Variants in CELF4 observed in about 807,000 individuals in gnomAD.
CELF4 encodes CUGBP Elav-like family member 4, also known as CUG-BP- and ETR-3-like factor 4.
In CELF4, 18 loss-of-function variants were observed where a neutral mutation model predicts 59.9. The observed-to-expected ratio is 0.30, with a 90% CI of 0.21 to 0.45. The LOEUF (loss-of-function observed/expected upper bound fraction) is 0.45. Ranked by LOEUF, CELF4 falls within the 20% of genes least tolerant of loss-of-function variation. CELF4 has a pLI of 1.00. For synonymous variants in CELF4, 261 were observed against 267.1 expected, an observed-to-expected ratio of 0.98 and a Z score of 0.22; for missense variants, 456 against 689.0, an observed-to-expected ratio of 0.66 and a Z score of 3.79.
At chr18:37,485,491 G>A (rs1416693005) in intron 2 of CELF4, 34 bp downstream of exon 2, 7 of 1,287,376 alleles carry the variant, frequency 5.4e-6, no homozygotes, top group South Asian at 2.5e-5. Context: ...CTGTCGGCGC[G>A]TCGGCCGCTT....
chr18:37,490,269 C>CG (rs2099896915), intron 1 of CELF4, among the ~76,000 whole-genome samples: 1 of 151,692 alleles, frequency 6.6e-6, no homozygotes, highest in Non-Finnish European at 1.5e-5. Flanking sequence ...ACAGGGAGTA[C>CG]GGGGTGGGGA....
intron 8 of CELF4, among the ~76,000 whole-genome samples, chr18:37,267,707 G>A (rs985278969): frequency 1.3e-5 from 2 of 152,156 alleles, no homozygotes; most frequent in South Asian, 2.1e-4. Flanking sequence ...TCCTGAGCAC[G>A]TTTCCCTGAG....
At position 37,485,564 on chromosome 18, in the gene CELF4, CT is replaced by C; in HGVS notation, c.329del (p.Lys110ArgfsTer15). ...LTYCERESAL[K>X]AQSALHEQKT... ...TCTGCTCGTGCAGCGCGCTCTGGGC[CT>C]TCAGCGCTGACTCACGCTCGCAGTA... On this transcript the variant is annotated frameshift_variant, in exon 2 of 13. Coordinates refer to ENST00000420428, the MANE Select transcript of CELF4 (RefSeq NM_020180.4). LOFTEE classifies it high-confidence loss of function. The C allele has an allele frequency of 1.4e-6, 2 of 1,457,682 alleles. No homozygotes were observed. The highest frequency in any genetic ancestry group is 1.4e-5 in the South Asian group (1 of 69,582). The allele number at this position is 1,457,682 out of a possible 1,614,324, so 90.3% of individuals were successfully genotyped here. A position where few individuals can be genotyped will look rare whatever the true frequency, so the allele number is the denominator to read the frequency against.
chr18:37,465,173 C>T (rs1569569510), intron 2 of CELF4, among the ~76,000 whole-genome samples: 1 of 152,146 alleles, frequency 6.6e-6, no homozygotes, highest in Admixed American at 6.5e-5. Flanking sequence ...ATCTTTATTG[C>T]TTATTATATA....
chr18:37,371,787 C>A (rs911366379), intron 2 of CELF4, among the ~76,000 whole-genome samples: 1 of 152,132 alleles, frequency 6.6e-6, no homozygotes, highest in African/African-American at 2.4e-5. Context: ...AGTGCCCAGG[C>A]CCTGGGGATG....
At chr18:37,392,636 C>T (rs2099175600) in intron 2 of CELF4, among the ~76,000 whole-genome samples, 1 of 152,192 alleles carries the variant, frequency 6.6e-6, no homozygotes. Context: ...GCAGCACTCC[C>T]TAGCAGACCA....
intron 8 of CELF4, among the ~76,000 whole-genome samples, chr18:37,267,179 G>A (rs539328835): frequency 1.3e-5 from 2 of 152,336 alleles, no homozygotes; most frequent in South Asian, 2.1e-4. Flanking sequence ...GACCAGCTAC[G>A]CAAATAGGGT....
intron 1 of CELF4, 32 bp downstream of exon 1, chr18:37,565,324 C>CA: frequency 6.8e-7 from 1 of 1,468,008 alleles, no homozygotes; most frequent in Non-Finnish European, 9.0e-7. Context: ...CTCCTGCTCC[C>CA]CGGCAAAGTT....
At chr18:37,448,419 C>T (rs1449525910) in intron 2 of CELF4, among the ~76,000 whole-genome samples, 1 of 152,258 alleles carries the variant, frequency 6.6e-6, no homozygotes, top group African/African-American at 2.4e-5. Context: ...TGCAGCCCCA[C>T]TGACAGCTGA....
chr18:37,422,999 T>G (rs1307341864), intron 2 of CELF4, among the ~76,000 whole-genome samples: 2 of 134,862 alleles, frequency 1.5e-5, no homozygotes, highest in Non-Finnish European at 3.3e-5. Context: ...CTGGGTAGGA[T>G]ATGGGAGCAG....
chr18:37,280,548 C>T (rs933965944), intron 3 of CELF4, among the ~76,000 whole-genome samples: 2 of 152,136 alleles, frequency 1.3e-5, no homozygotes, highest in Non-Finnish European at 2.9e-5. Flanking sequence ...GGGATGAAGG[C>T]CAGAAGAGGC....
chr18:37,288,659 C>T (rs956832700), intron 3 of CELF4, among the ~76,000 whole-genome samples: 17 of 152,170 alleles, frequency 1.1e-4, no homozygotes, highest in Admixed American at 1.1e-3. Flanking sequence ...GGTCATGAGG[C>T]CCTGCTGAGC....
chr18:37,425,353 G>A (rs989940267), intron 2 of CELF4, among the ~76,000 whole-genome samples: 2 of 152,202 alleles, frequency 1.3e-5, no homozygotes, highest in South Asian at 2.1e-4. Context: ...AGGCCCCTCC[G>A]GGGCTCTAAC....
chr18:37,283,117 G>A (rs1197441634), intron 3 of CELF4, among the ~76,000 whole-genome samples: 1 of 152,018 alleles, frequency 6.6e-6, no homozygotes, highest in African/African-American at 2.4e-5. Context: ...GCTGTTTGAT[G>A]TTGGGGTGGA....
At chr18:37,274,717 G>C (rs928099632) in intron 5 of CELF4, 88 bp downstream of exon 5, 1 of 1,517,610 alleles carries the variant, frequency 6.6e-7, no homozygotes, top group African/African-American at 1.4e-5. Flanking sequence ...TGTCTCTTGG[G>C]GAGACTGGAC....
At chr18:37,407,036 G>A (rs2099393981) in intron 2 of CELF4, among the ~76,000 whole-genome samples, 1 of 152,114 alleles carries the variant, frequency 6.6e-6, no homozygotes, top group Non-Finnish European at 1.5e-5. Flanking sequence ...AGACAGCATG[G>A]TTTATTGAAA....
chr18:37,524,933 T>C (rs910254334), intron 1 of CELF4, among the ~76,000 whole-genome samples: 42 of 152,188 alleles, frequency 2.8e-4, no homozygotes, highest in Admixed American at 1.8e-3. Flanking sequence ...GGTTTCCCGC[T>C]TCGCTCTTTG....
At chr18:37,339,333 G>T (rs1053214605) in intron 2 of CELF4, among the ~76,000 whole-genome samples, 1 of 152,214 alleles carries the variant, frequency 6.6e-6, no homozygotes, top group Non-Finnish European at 1.5e-5. Flanking sequence ...GAAAGTGGGG[G>T]CTTGGCTTGC....
intron 10 of CELF4, among the ~76,000 whole-genome samples, chr18:37,259,915 G>C (rs2073237090): frequency 6.6e-6 from 1 of 152,208 alleles, no homozygotes; most frequent in African/African-American, 2.4e-5. Context: ...TCTATGATTA[G>C]CCAGGGAACC....
Sources: gnomAD v4.1 joint callset for allele counts (sites outside exome capture counted in the v4.1 genomes callset) on GRCh38, gnomAD v4.1.1 for gene constraint, MANE v1.5 for transcripts, NCBI Gene and HGNC (gene_info 2026-07-23, HGNC 2026-07-21) for gene names.